The following RARB variants were observed in gnomAD, a reference collection of about 807,000 sequenced individuals.
RARB encodes retinoic acid receptor beta.
A neutral mutation model predicts 51.9 loss-of-function variants in RARB; 17 were observed. The ratio of observed to expected loss-of-function variants is 0.33; its 90% CI spans 0.22 to 0.49. The LOEUF (loss-of-function observed/expected upper bound fraction) is 0.49, where lower values mean the gene tolerates loss of function less well. Among genes scored for constraint, RARB ranks in the 20% least tolerant of loss-of-function variants. The pLI is 0.99. For synonymous variants in RARB, 215 were observed against 195.4 expected (o/e 1.10, Z -0.84); for missense variants, 369 against 550.8 (o/e 0.67, Z 3.30).
intron 3 of RARB, among the ~76,000 whole-genome samples, chr3:25,101,250 C>T (rs1699394863): frequency 6.6e-6 from 1 of 152,052 alleles, no homozygotes; most frequent in South Asian, 2.1e-4. Context: ...CTATACTATA[C>T]CTGAGCCTGT....
chr3:25,109,126 C>G (rs1270074614), intron 3 of RARB, among the ~76,000 whole-genome samples: 1 of 152,148 alleles, frequency 6.6e-6, no homozygotes, highest in African/African-American at 2.4e-5. Context: ...ACATGCAAAT[C>G]ACCTAGTTCA....
chr3:25,551,080 G>A (rs1699833062), intron 3 of RARB, among the ~76,000 whole-genome samples: 1 of 152,048 alleles, frequency 6.6e-6, no homozygotes, highest in Non-Finnish European at 1.5e-5. Context: ...CAAAATTAAT[G>A]ACAAAAATCA....
At chr3:24,897,644 C>A (rs964354181) in intron 2 of RARB, among the ~76,000 whole-genome samples, 11 of 151,984 alleles carry the variant, frequency 7.2e-5, no homozygotes, top group Non-Finnish European at 1.3e-4. Flanking sequence ...GGTGGTTATT[C>A]TTTTTCTAGG....
At chr3:24,966,241 AG>A (rs200502459) in intron 2 of RARB, among the ~76,000 whole-genome samples, 2,602 of 152,220 alleles carry the variant, frequency 0.017, 34 homozygotes, top group Non-Finnish European at 0.026. Context: ...AACTAGAAGG[AG>A]GGGGAGGTGA....
At chr3:24,898,735 A>G (rs554595842) in intron 2 of RARB, among the ~76,000 whole-genome samples, 3 of 152,308 alleles carry the variant, frequency 2.0e-5, no homozygotes, top group Admixed American at 2.0e-4. Flanking sequence ...TATTGGCTCC[A>G]GTAACCCCAC....
intron 3 of RARB, among the ~76,000 whole-genome samples, chr3:25,065,322 T>TA (rs1210207997): frequency 2.0e-5 from 3 of 152,200 alleles, no homozygotes; most frequent in Non-Finnish European, 4.4e-5. Context: ...ATACAAGTGT[T>TA]AAAAAACTCG....
At chr3:25,429,812 A>AG (rs1708132181) in intron 1 of RARB, among the ~76,000 whole-genome samples, 1 of 152,362 alleles carries the variant, frequency 6.6e-6, no homozygotes, top group Non-Finnish European at 1.5e-5. Context: ...GGGAGCCTGC[A>AG]GGATGCTTCG....
chr3:25,382,279 A>G (rs1389961859), intron 5 of RARB, among the ~76,000 whole-genome samples: 1 of 152,234 alleles, frequency 6.6e-6, no homozygotes. Context: ...ACAACTAGCA[A>G]TAAATGTTCA....
At chr3:25,297,520 T>C (rs996112296) in intron 5 of RARB, among the ~76,000 whole-genome samples, 23 of 150,070 alleles carry the variant, frequency 1.5e-4, no homozygotes, top group African/African-American at 4.9e-4. Context: ...TTATATGAAT[T>C]CATAAGAATC....
chr3:25,159,416 C>CG (rs1553638602), intron 4 of RARB, among the ~76,000 whole-genome samples: 12 of 150,822 alleles, frequency 8.0e-5, no homozygotes, highest in Admixed American at 6.6e-4. Context: ...TGATCCACCC[C>CG]CCCCGCTCCC....
chr3:25,432,941 A>T (rs1027120428), intron 1 of RARB, among the ~76,000 whole-genome samples: 8 of 152,228 alleles, frequency 5.3e-5, no homozygotes, highest in Non-Finnish European at 1.2e-4. Context: ...TGCAATGTTC[A>T]TTTTAGAACA....
intron 5 of RARB, chr3:25,345,938 T>G: frequency 3.5e-6 from 3 of 855,808 alleles, no homozygotes; most frequent in Non-Finnish European, 4.2e-6. Context: ...TAAACCACCA[T>G]TTAGTTTAGT....
intron 2 of RARB, among the ~76,000 whole-genome samples, chr3:25,053,639 G>T (rs913371159): frequency 6.6e-6 from 1 of 152,074 alleles, no homozygotes; most frequent in Non-Finnish European, 1.5e-5. Flanking sequence ...CAAATACAAA[G>T]AACACTCAGG....
chr3:25,168,993 T>C (rs774857064), intron 4 of RARB, among the ~76,000 whole-genome samples: 4 of 152,184 alleles, frequency 2.6e-5, no homozygotes, highest in African/African-American at 4.8e-5. Flanking sequence ...CTGAATAATA[T>C]TGGACTTTTC....
At chr3:25,490,352 TG>T (rs779068659) in intron 2 of RARB, among the ~76,000 whole-genome samples, 17 of 152,216 alleles carry the variant, frequency 1.1e-4, no homozygotes, top group Non-Finnish European at 2.5e-4. Context: ...CATAATTATT[TG>T]GGTCTGTGAG....
intron 5 of RARB, among the ~76,000 whole-genome samples, chr3:25,290,917 T>C (rs969308850): frequency 3.0e-4 from 45 of 152,170 alleles, no homozygotes; most frequent in African/African-American, 1.1e-3. Context: ...TGAAATTATA[T>C]CATCGCCAGT....
chr3:24,912,975 C>CTTTTTTTTTTTTTTTTT lies in RARB; in HGVS notation c.-380+54229_-380+54245dup, dbSNP rs386396163. ...GCAATACGCACACAAGGTACTGATT[C>CTTTTTTTTTTTTTTTTT]TTTTTTTTTTTTTTTTTTTTTTGGA... is the stretch of plus-strand genomic sequence containing the variant. On this transcript the variant is annotated intron_variant, in intron 2 of 11. Coordinates refer to the RARB transcript ENST00000383772. Among the ~76,000 whole-genome samples the CTTTTTTTTTTTTTTTTT allele has an allele frequency of 2.3e-4, 17 of 75,050 alleles. 2 individuals are homozygous for CTTTTTTTTTTTTTTTTT. The highest frequency in any genetic ancestry group is 9.0e-4 in the Admixed American group (4 of 4,432). 49.2% of individuals were successfully genotyped at this position (75,050 alleles called of 152,430 possible).
At chr3:24,861,389 C>T (rs1702744643) in intron 2 of RARB, among the ~76,000 whole-genome samples, 1 of 152,052 alleles carries the variant, frequency 6.6e-6, no homozygotes, top group Non-Finnish European at 1.5e-5. Context: ...GTGTTTATTT[C>T]ATACCTTCGT....
At chr3:25,513,273 G>A (rs746022350) in intron 3 of RARB, among the ~76,000 whole-genome samples, 12 of 151,796 alleles carry the variant, frequency 7.9e-5, no homozygotes, top group Non-Finnish European at 1.2e-4. Context: ...GACAACAGAC[G>A]GAGACTCCAT....
Sources: gnomAD v4.1 joint callset for allele counts (sites outside exome capture counted in the v4.1 genomes callset) on GRCh38, gnomAD v4.1.1 for gene constraint, MANE v1.5 for transcripts, NCBI Gene and HGNC (gene_info 2026-07-23, HGNC 2026-07-21) for gene names.